SRBD1: variants seen among roughly 807,000 people sequenced by gnomAD.
SRBD1 encodes S1 RNA binding domain 1.
SRBD1 carries 88 observed loss-of-function variants against 115.3 expected under a neutral mutation model. The observed-to-expected ratio is 0.76, with a 90% confidence interval of 0.64 to 0.91. The LOEUF (loss-of-function observed/expected upper bound fraction) is 0.91, where lower values mean the gene tolerates loss of function less well. Among genes scored for constraint, SRBD1 ranks in the 40% least tolerant of loss-of-function variants. The pLI is 0.00. For missense variants in SRBD1, 1,385 were observed against 1,177.4 expected (o/e 1.18, Z -2.58); for synonymous variants, 509 against 407.7 (o/e 1.25, Z -2.99).
chr2:45,462,075 A>T lies in SRBD1; in HGVS notation c.2049+14918T>A, dbSNP rs1367733896. Among the ~76,000 whole-genome samples the T allele has an allele frequency of 2.0e-5, 3 of 152,244 alleles. 1 individual carries two copies. Among genetic ancestry groups the T allele is most frequent in the African/African-American group, 7.2e-5 (3 of 41,472 alleles). Reference sequence around the variant, plus strand: ...AGGAAAAAAAAAGGAATCATTTTGTAGATAAACTTCATGTTGTGGTGTTGA... The same window carrying T: ...AGGAAAAAAAAAGGAATCATTTTGTTGATAAACTTCATGTTGTGGTGTTGA... On this transcript the variant is annotated intron_variant, in intron 16 of 20. Coordinates refer to ENST00000263736, the MANE Select transcript of SRBD1 (RefSeq NM_018079.5).
intron 10 of SRBD1, among the ~76,000 whole-genome samples, chr2:45,561,837 C>G (rs1672672809): frequency 6.6e-6 from 1 of 152,142 alleles, no homozygotes; most frequent in African/African-American, 2.4e-5. Context: ...CTTAAAATAT[C>G]TAATAAATTT....
chr2:45,445,357 C>A (rs915392511), intron 16 of SRBD1, among the ~76,000 whole-genome samples: 13 of 152,000 alleles, frequency 8.6e-5, no homozygotes, highest in Non-Finnish European at 1.3e-4. Flanking sequence ...TCTCTAGTGA[C>A]AAATTTGTGG....
chr2:45,572,871 T>G (rs1673063051), intron 9 of SRBD1, among the ~76,000 whole-genome samples: 2 of 152,150 alleles, frequency 1.3e-5, no homozygotes, highest in African/African-American at 4.8e-5. Context: ...TATCTCATAT[T>G]TGTATTTCAC....
At chr2:45,556,058 T>C (rs917645081) in intron 10 of SRBD1, among the ~76,000 whole-genome samples, 4 of 152,220 alleles carry the variant, frequency 2.6e-5, no homozygotes, top group African/African-American at 9.7e-5. Context: ...GCACTTACAA[T>C]GTTTTATTCC....
At chr2:45,507,550 T>C (rs890677905) in intron 14 of SRBD1, among the ~76,000 whole-genome samples, 5 of 151,796 alleles carry the variant, frequency 3.3e-5, no homozygotes, top group African/African-American at 7.3e-5. Flanking sequence ...TGAAACCCCA[T>C]TTCTACTAAA....
chr2:45,389,370 T>G lies in SRBD1; in HGVS notation c.2928A>C (p.Gln976His), dbSNP rs747862165. ...GLGPGERVEVQVLNIDIPRSR... is the reference protein window; with the variant it reads ...GLGPGERVEVHVLNIDIPRSR... Reference sequence around the variant, plus strand: ...ATCGGGGGATGTCAATGTTGAGTACTTGGACTTCCACTCTTTCTCCGGGGC... The same window carrying G: ...ATCGGGGGATGTCAATGTTGAGTACGTGGACTTCCACTCTTTCTCCGGGGC... Residue 976 changes from glutamine to histidine, a missense_variant, in exon 21 of 21, where the codon CAA becomes CAC. Transcript: ENST00000263736. The G allele has an allele frequency of 1.2e-6, 2 of 1,614,094 alleles. No homozygotes were observed. The highest frequency in any genetic ancestry group is 3.3e-5 in the Admixed American group (2 of 59,996).
chr2:45,493,823 A>T lies in SRBD1; in HGVS notation c.1875-5492T>A, dbSNP rs148632888. Among the ~76,000 whole-genome samples, 76 of 151,588 alleles carry T rather than the reference A, an allele frequency of 5.0e-4. 2 individuals carry two copies. Among genetic ancestry groups the T allele is most frequent in the East Asian group, 2.1e-3 (11 of 5,170 alleles). Reference sequence around the variant, plus strand: ...TGAAACTTCAACTCAAAAAAAAAAAAAAATAAAATAAATTAGGTAATCTAG... The same window carrying T: ...TGAAACTTCAACTCAAAAAAAAAAATAAATAAAATAAATTAGGTAATCTAG... On this transcript the variant is annotated intron_variant, in intron 14 of 20. Coordinates refer to ENST00000263736, the MANE Select transcript of SRBD1 (RefSeq NM_018079.5).
intron 14 of SRBD1, among the ~76,000 whole-genome samples, chr2:45,545,939 G>C (rs1672106559): frequency 6.6e-6 from 1 of 152,200 alleles, no homozygotes; most frequent in African/African-American, 2.4e-5. Context: ...GATCCTGTCA[G>C]TCACCTGCTC....
intron 16 of SRBD1, among the ~76,000 whole-genome samples, chr2:45,432,550 G>C (rs1366265469): frequency 6.6e-6 from 1 of 152,138 alleles, no homozygotes; most frequent in Non-Finnish European, 1.5e-5. Context: ...TCTTTAAGAA[G>C]CTCCATTTAG....
At chr2:45,585,851 A>T in intron 4 of SRBD1, 77 bp from the exon 5 acceptor site, 1 of 1,213,420 alleles carries the variant, frequency 8.2e-7, no homozygotes, top group Non-Finnish European at 1.1e-6. Context: ...AAAACATAGT[A>T]TCAAATAATG....
intron 16 of SRBD1, among the ~76,000 whole-genome samples, chr2:45,468,632 C>T (rs1007990277): frequency 1.3e-5 from 2 of 152,180 alleles, no homozygotes; most frequent in African/African-American, 4.8e-5. Flanking sequence ...AAGCAATCCT[C>T]CTACCTCGGC....
rs1667947302 is a variant in SRBD1 at position 45,419,911 on chromosome 2, C to G, written c.2050-17G>C. The stretch of plus-strand genomic sequence containing the variant: ...TACGTCATGCTGAAAAGACAAAGAT[C>G]AAATATTAACAGTGAAGGAGATGTA... On this transcript the variant is annotated splice_polypyrimidine_tract_variant and intron_variant, in intron 16 of 20. Coordinates refer to ENST00000263736, the MANE Select transcript of SRBD1 (RefSeq NM_018079.5). 6.3e-7 allele frequency: 1 copy of G among 1,598,404 alleles called. No individual in the cohort carries two copies. Among genetic ancestry groups the G allele is most frequent in the Non-Finnish European group, 8.6e-7 (1 of 1,168,752 alleles).
chr2:45,526,524 T>C (rs375273728), intron 14 of SRBD1, among the ~76,000 whole-genome samples: 6 of 151,922 alleles, frequency 3.9e-5, no homozygotes, highest in African/African-American at 1.2e-4. Context: ...TGAAAAAGTT[T>C]TAAAATTAGT....
intron 14 of SRBD1, among the ~76,000 whole-genome samples, chr2:45,531,435 G>T (rs999438383): frequency 6.6e-6 from 1 of 151,696 alleles, no homozygotes; most frequent in African/African-American, 2.4e-5. Context: ...ACAGGTCAAG[G>T]TTACATCAGT....
chr2:45,389,166 A>C lies in SRBD1; in HGVS notation c.*144T>G, dbSNP rs569843907. The stretch of plus-strand genomic sequence containing the variant: ...GGTTTTCTATTTATTCAGAAGAAAA[A>C]ATAAAGGAAAGTGTTTGGAAAATAT... On this transcript the variant is annotated 3_prime_UTR_variant, in exon 21 of 21. Transcript: ENST00000263736. 175 of 1,016,082 alleles carry C rather than the reference A, an allele frequency of 1.7e-4. 1 individual carries two copies. The African/African-American group carries it at 2.5e-3, about 15-fold the overall frequency. 62.9% of individuals were successfully genotyped at this position (1,016,082 alleles called of 1,614,324 possible). A position where few individuals can be genotyped will look rare whatever the true frequency, so the allele number is the denominator to read the frequency against.
intron 17 of SRBD1, among the ~76,000 whole-genome samples, chr2:45,419,354 C>T (rs1015030328): frequency 6.6e-6 from 1 of 152,152 alleles, no homozygotes; most frequent in African/African-American, 2.4e-5. Context: ...AAAATTTTGA[C>T]AGGTTTCTTG....
intron 16 of SRBD1, among the ~76,000 whole-genome samples, chr2:45,423,188 T>A (rs1310295332): frequency 6.6e-6 from 1 of 152,126 alleles, no homozygotes; most frequent in Non-Finnish European, 1.5e-5. Flanking sequence ...ACTTCAAACT[T>A]AAAAAACAAA....
intron 14 of SRBD1, among the ~76,000 whole-genome samples, chr2:45,544,811 T>TA (rs539990397): frequency 1.5e-4 from 23 of 152,246 alleles, no homozygotes; most frequent in African/African-American, 5.5e-4. Flanking sequence ...AACACACTCA[T>TA]AAAAAAACAT....
intron 16 of SRBD1, among the ~76,000 whole-genome samples, chr2:45,472,822 T>C (rs1383265401): frequency 1.3e-5 from 2 of 152,222 alleles, no homozygotes; most frequent in African/African-American, 4.8e-5. Context: ...AAGACTGTTA[T>C]TAACATGAAA....
Sources: allele counts gnomAD v4.1 joint callset (sites outside exome capture counted in the v4.1 genomes callset), GRCh38; gene constraint gnomAD v4.1.1; transcripts MANE v1.5; gene names NCBI Gene and HGNC (gene_info 2026-07-23, HGNC 2026-07-21).